Variants in DIAPH2 observed in about 807,000 individuals in gnomAD.
The protein encoded by DIAPH2 is protein diaphanous homolog 2.
DIAPH2 carries 35 observed loss-of-function variants against 92.7 expected under a neutral mutation model. The ratio of observed to expected loss-of-function variants is 0.38; its 90% CI spans 0.29 to 0.50. The LOEUF is 0.50. Among genes scored for constraint, DIAPH2 ranks in the 20% least tolerant of loss-of-function variants. The pLI, the probability that DIAPH2 is intolerant of heterozygous loss-of-function variation, is 0.94. For missense variants in DIAPH2, 701 were observed against 819.5 expected (o/e 0.86, Z 1.77); for synonymous variants, 301 against 280.4 (o/e 1.07, Z -0.73).
At chrX:97,007,364 C>A (rs2147860875) in intron 17 of DIAPH2, among the ~76,000 whole-genome samples, 1 of 111,435 alleles carries the variant, frequency 9.0e-6, no homozygotes, top group South Asian at 3.8e-4. Context: ...TTGATGAAAT[C>A]CCTTAACTTT....
At chrX:97,520,377 A>G (rs2070982823) in intron 26 of DIAPH2, among the ~76,000 whole-genome samples, 1 of 112,185 alleles carries the variant, frequency 8.9e-6, no homozygotes, top group Admixed American at 9.5e-5. Context: ...TACATTCTAT[A>G]TTGCTTTTTG....
chrX:96,846,372 C>G (rs1461031158), intron 4 of DIAPH2, among the ~76,000 whole-genome samples: 1 of 111,605 alleles, frequency 9.0e-6, no homozygotes, highest in African/African-American at 3.3e-5. Flanking sequence ...GTCTCAAACT[C>G]CTGACCTCAG....
At chrX:96,964,957 T>A in intron 16 of DIAPH2, 136 bp from the exon 17 acceptor site, 1 of 568,513 alleles carries the variant, frequency 1.8e-6, no homozygotes, top group Non-Finnish European at 2.5e-6. Context: ...TAAGTATTAT[T>A]TAGATACATC....
At chrX:97,173,057 A>G (rs2067465819) in intron 22 of DIAPH2, among the ~76,000 whole-genome samples, 1 of 112,625 alleles carries the variant, frequency 8.9e-6, no homozygotes, top group African/African-American at 3.2e-5. Flanking sequence ...AATCTCTGCC[A>G]TTGAACTTTA....
intron 9 of DIAPH2, among the ~76,000 whole-genome samples, chrX:96,922,487 A>T (rs1416477041): frequency 9.0e-6 from 1 of 110,997 alleles, no homozygotes. Flanking sequence ...CACCAATATT[A>T]TTTCAACAAT....
chrX:97,004,031 T>A (rs966189315), intron 17 of DIAPH2, among the ~76,000 whole-genome samples: 23 of 111,681 alleles, frequency 2.1e-4, no homozygotes, highest in Non-Finnish European at 4.0e-4. Context: ...AAATACCATT[T>A]ATTGAAGACA....
intron 10 of DIAPH2, among the ~76,000 whole-genome samples, chrX:96,932,344 A>G (rs2065624737): frequency 9.0e-6 from 1 of 111,085 alleles, no homozygotes; most frequent in African/African-American, 3.3e-5. Flanking sequence ...GCTTTATACT[A>G]CTGAATGGCT....
At chrX:96,737,586 T>G (rs1480642537) in intron 2 of DIAPH2, among the ~76,000 whole-genome samples, 3 of 111,846 alleles carry the variant, frequency 2.7e-5, no homozygotes, top group Admixed American at 9.5e-5. Flanking sequence ...TTATGCACAT[T>G]ACTAACTTTT....
chrX:96,939,734 G>A (rs1272658236), intron 12 of DIAPH2, among the ~76,000 whole-genome samples: 1 of 60,864 alleles, frequency 1.6e-5, no homozygotes, highest in African/African-American at 7.9e-5. Context: ...GCGCGATCTC[G>A]ACTCACTGCA....
chrX:96,858,384 G>A (rs764967425), intron 4 of DIAPH2, among the ~76,000 whole-genome samples: 2 of 111,925 alleles, frequency 1.8e-5, no homozygotes, highest in South Asian at 7.6e-4. Context: ...TGAAATGAAG[G>A]CTCAAACAGA....
intron 22 of DIAPH2, among the ~76,000 whole-genome samples, chrX:97,224,931 G>A (rs1602429726): frequency 9.0e-6 from 1 of 110,986 alleles, no homozygotes; most frequent in East Asian, 2.8e-4. Context: ...TGAGGCCCAA[G>A]GCACTCTGAC....
In DIAPH2 at chrX:97,572,172, G is replaced by A. The variant is rs868325269; in HGVS notation, c.3242-27081G>A. On this transcript the variant is annotated intron_variant, in intron 26 of 26. Transcript: ENST00000324765. ...CACGTTCATTGCAGGCTCAGCAGCC[G>A]TTACATATCATTAGTGAAGGGAGGC... is the stretch of plus-strand genomic sequence containing the variant. Among the ~76,000 whole-genome samples the A allele has an allele frequency of 1.5e-4, 16 of 108,983 alleles. No individual in the cohort carries two copies. The Middle Eastern group carries it at 0.028, about 191-fold the overall frequency. The allele number at this position is 108,983 out of a possible 115,157, so 94.6% of individuals were successfully genotyped here.
chrX:97,570,251 G>A (rs1329169213), intron 26 of DIAPH2, among the ~76,000 whole-genome samples: 4 of 100,575 alleles, frequency 4.0e-5, no homozygotes, highest in South Asian at 4.6e-4. Context: ...ATAGTGTTCA[G>A]TTCTTCTCTG....
intron 23 of DIAPH2, among the ~76,000 whole-genome samples, chrX:97,321,544 ATTTTTTTT>A (rs72265655): frequency 4.1e-5 from 2 of 48,405 alleles, no homozygotes; most frequent in East Asian, 8.6e-4. Flanking sequence ...TTGTGTTGTT[ATTTTTTTT>A]TTTTTTTTTT....
At chrX:97,455,018 C>T (rs929966301) in intron 26 of DIAPH2, among the ~76,000 whole-genome samples, 4 of 111,655 alleles carry the variant, frequency 3.6e-5, no homozygotes, top group Non-Finnish European at 5.6e-5. Context: ...GATAATTATG[C>T]GAATTAGCAA....
chrX:97,496,386 G>T (rs1215519070), intron 26 of DIAPH2, among the ~76,000 whole-genome samples: 3 of 108,191 alleles, frequency 2.8e-5, no homozygotes, highest in Admixed American at 9.9e-5. Flanking sequence ...TGTTAGTCAG[G>T]CTGGTCTCAA....
At chrX:97,026,736 G>A (rs2066337703) in intron 17 of DIAPH2, among the ~76,000 whole-genome samples, 1 of 111,729 alleles carries the variant, frequency 9.0e-6, no homozygotes, top group South Asian at 3.7e-4. Context: ...AAGCAACATC[G>A]CTTTTTCTCA....
chrX:97,488,442 C>G (rs1330319365), intron 26 of DIAPH2, among the ~76,000 whole-genome samples: 1 of 111,936 alleles, frequency 8.9e-6, no homozygotes, highest in Non-Finnish European at 1.9e-5. Flanking sequence ...TGTACAGAAG[C>G]TTTTTAGTTT....
chrX:97,254,722 A>T (rs749332033), intron 23 of DIAPH2, among the ~76,000 whole-genome samples: 2 of 107,228 alleles, frequency 1.9e-5, no homozygotes, highest in East Asian at 2.9e-4. Flanking sequence ...ATTTTATTTT[A>T]TTTATTTTAT....
Sources: allele counts gnomAD v4.1 joint callset (sites outside exome capture counted in the v4.1 genomes callset), GRCh38; gene constraint gnomAD v4.1.1; transcripts MANE v1.5; gene names NCBI Gene and HGNC (gene_info 2026-07-23, HGNC 2026-07-21).